The following GPR158 variants were observed in gnomAD, a reference collection of about 807,000 sequenced individuals.
GPR158 encodes the protein metabotropic glycine receptor.
In GPR158, 30 loss-of-function variants were observed where a neutral mutation model predicts 78.2. The observed-to-expected ratio is 0.38, with a 90% CI of 0.29 to 0.52. GPR158 has a LOEUF of 0.52. Ranked by LOEUF, GPR158 falls within the 20% of genes least tolerant of loss-of-function variation. The pLI, the probability that GPR158 is intolerant of heterozygous loss-of-function variation, is 0.83. For missense variants in GPR158, 1,463 were observed against 1,523.5 expected (o/e 0.96, Z 0.66); for synonymous variants, 581 against 591.1 (o/e 0.98, Z 0.25).
At chr10:25,216,834 A>C (rs1853222724) in intron 1 of GPR158, among the ~76,000 whole-genome samples, 1 of 152,162 alleles carries the variant, frequency 6.6e-6, no homozygotes, top group South Asian at 2.1e-4. Context: ...GGTTTGAGAT[A>C]GCATGAATTT....
At chr10:25,345,501 TAATATTAA>T (rs1306323463) in intron 2 of GPR158, among the ~76,000 whole-genome samples, 7 of 152,024 alleles carry the variant, frequency 4.6e-5, no homozygotes, top group African/African-American at 1.7e-4. Flanking sequence ...TAATCCAGAT[TAATATTAA>T]AATATTGCAA....
chr10:25,567,897 G>A (rs1310948339), intron 6 of GPR158, among the ~76,000 whole-genome samples: 2 of 152,200 alleles, frequency 1.3e-5, no homozygotes, highest in Admixed American at 1.3e-4. Flanking sequence ...ATAGGAATGA[G>A]TTGGTGGCCA....
intron 2 of GPR158, among the ~76,000 whole-genome samples, chr10:25,394,108 G>T (rs1217104580): frequency 1.3e-5 from 2 of 152,150 alleles, no homozygotes; most frequent in Non-Finnish European, 2.9e-5. Flanking sequence ...TCAGTTAAAT[G>T]ACAACTCCAT....
intron 5 of GPR158, among the ~76,000 whole-genome samples, chr10:25,481,422 T>C (rs1448378982): frequency 6.6e-6 from 1 of 152,160 alleles, no homozygotes; most frequent in Non-Finnish European, 1.5e-5. Flanking sequence ...ATAAACCAGA[T>C]ATCTGGATTG....
chr10:25,360,326 A>G (rs1855615996), intron 2 of GPR158, among the ~76,000 whole-genome samples: 1 of 152,164 alleles, frequency 6.6e-6, no homozygotes, highest in South Asian at 2.1e-4. Flanking sequence ...GCCTTTGCCC[A>G]TGCCTATGTC....
At chr10:25,447,653 T>G (rs1835155238) in intron 4 of GPR158, among the ~76,000 whole-genome samples, 1 of 152,046 alleles carries the variant, frequency 6.6e-6, no homozygotes, top group South Asian at 2.1e-4. Flanking sequence ...AGTTGTGTAA[T>G]GTGGGATTAT....
At chr10:25,565,578 G>GTAAC (rs11473534) in intron 6 of GPR158, among the ~76,000 whole-genome samples, 11,622 of 152,084 alleles carry the variant, frequency 0.076, 956 homozygotes, top group East Asian at 0.48. Flanking sequence ...GTAAAATACT[G>GTAAC]TAACTGAAAA....
chr10:25,241,127 TTCTTTCTTTC>T lies in GPR158; in HGVS notation c.1008+19972_1008+19981del, dbSNP rs1564399239. ...CAAATATTGAATTTTTACTTTGATTTTCTTTCTTTCTTTCTTTCTTTCTTTCTTTCTTTCT... is the reference window on the plus strand; with the variant it reads ...CAAATATTGAATTTTTACTTTGATTTTTTCTTTCTTTCTTTCTTTCTTTCT... On this transcript the variant is annotated intron_variant, in intron 2 of 10. Transcript: ENST00000376351. 2.7e-4 allele frequency among the ~76,000 whole-genome samples: 6 copies of T among 22,448 alleles called. 1 individual carries two copies. Among genetic ancestry groups the T allele is most frequent in the Non-Finnish European group, 5.4e-4 (4 of 7,406 alleles). The allele number at this position is 22,448 out of a possible 152,430, so 14.7% of individuals were successfully genotyped here. A position where few individuals can be genotyped will look rare whatever the true frequency, so the allele number is the denominator to read the frequency against.
chr10:25,586,004 T>G (rs1246032516), intron 7 of GPR158, among the ~76,000 whole-genome samples: 1 of 151,902 alleles, frequency 6.6e-6, no homozygotes, highest in Non-Finnish European at 1.5e-5. Context: ...ATAAAAAGAT[T>G]TGGAGTGTTC....
chr10:25,441,792 T>G (rs1348429671), intron 4 of GPR158, among the ~76,000 whole-genome samples: 2 of 152,206 alleles, frequency 1.3e-5, no homozygotes, highest in African/African-American at 2.4e-5. Flanking sequence ...TTTTCTTTGT[T>G]AATCTTGTGT....
At chr10:25,431,860 G>C (rs1834912794) in intron 4 of GPR158, among the ~76,000 whole-genome samples, 2 of 151,864 alleles carry the variant, frequency 1.3e-5, no homozygotes, top group Non-Finnish European at 2.9e-5. Context: ...GGACTGTTGT[G>C]GGGTTGGGGG....
intron 2 of GPR158, among the ~76,000 whole-genome samples, chr10:25,275,918 A>T (rs909604973): frequency 2.6e-5 from 4 of 152,128 alleles, no homozygotes; most frequent in Non-Finnish European, 4.4e-5. Flanking sequence ...GCATGTTATT[A>T]AAAAAATCTT....
At chr10:25,595,793 T>C (rs1837396921) in intron 9 of GPR158, among the ~76,000 whole-genome samples, 1 of 152,220 alleles carries the variant, frequency 6.6e-6, no homozygotes, top group Non-Finnish European at 1.5e-5. Flanking sequence ...ATTCCAAAAC[T>C]ATTCTGGAAT....
chr10:25,433,150 G>C (rs923714364), intron 4 of GPR158, among the ~76,000 whole-genome samples: 1 of 152,100 alleles, frequency 6.6e-6, no homozygotes, highest in African/African-American at 2.4e-5. Context: ...TTTATACTCA[G>C]GTCTGTTTGA....
At position 25,549,441 on chromosome 10, in the gene GPR158, A is replaced by G. The variant is rs189201843; in HGVS notation, c.1405-1535A>G. 4.3e-4 allele frequency among the ~76,000 whole-genome samples: 65 copies of G among 151,738 alleles called. No homozygotes were observed. The East Asian group carries it at 0.01, about 24-fold the overall frequency. On this transcript the variant is annotated intron_variant, in intron 5 of 10. Coordinates refer to ENST00000376351, the MANE Select transcript of GPR158 (RefSeq NM_020752.3). ...GTACAATTTTAACTTGTTTTGTGAA[A>G]ACAGTAAAAACAGGTTTTTACTTTT...
chr10:25,322,144 G>A (rs984896028), intron 2 of GPR158, among the ~76,000 whole-genome samples: 5 of 152,138 alleles, frequency 3.3e-5, no homozygotes, highest in Non-Finnish European at 7.4e-5. Context: ...CACTTTGGGA[G>A]GCTGAGGCGG....
intron 2 of GPR158, among the ~76,000 whole-genome samples, chr10:25,310,335 TC>T: frequency 6.6e-6 from 1 of 152,196 alleles, no homozygotes; most frequent in Non-Finnish European, 1.5e-5. Flanking sequence ...AGAGTGTTAG[TC>T]CTCCAAGTTT....
intron 4 of GPR158, among the ~76,000 whole-genome samples, chr10:25,420,328 T>G (rs544089312): frequency 1.3e-4 from 2 of 15,798 alleles, no homozygotes; most frequent in East Asian, 8.4e-4. Flanking sequence ...TTTGAAACAT[T>G]TTTTTGTAGA....
intron 2 of GPR158, among the ~76,000 whole-genome samples, chr10:25,264,148 TC>T (rs1452019657): frequency 6.6e-6 from 1 of 152,180 alleles, no homozygotes; most frequent in Non-Finnish European, 1.5e-5. Flanking sequence ...AGTCACACCT[TC>T]TGCTTTTTAT....
Sources: gnomAD v4.1 joint callset for allele counts (sites outside exome capture counted in the v4.1 genomes callset) on GRCh38, gnomAD v4.1.1 for gene constraint, MANE v1.5 for transcripts, NCBI Gene and HGNC (gene_info 2026-07-23, HGNC 2026-07-21) for gene names.